The following BAIAP2 variants were observed in gnomAD, a reference collection of about 807,000 sequenced individuals.
BAIAP2 encodes BAR/IMD domain containing adaptor protein 2.
Under a neutral mutation model 63.0 loss-of-function variants are expected in BAIAP2, and 18 were observed. The observed-to-expected ratio is 0.29, with a 90% CI of 0.20 to 0.42. The LOEUF (loss-of-function observed/expected upper bound fraction) is 0.42, where lower values mean the gene tolerates loss of function less well. Among genes scored for constraint, BAIAP2 ranks in the 10% least tolerant of loss-of-function variants. The pLI, the probability that BAIAP2 is intolerant of heterozygous loss-of-function variation, is 1.00. For synonymous variants in BAIAP2, 386 were observed against 307.6 expected (o/e 1.25, Z -2.67); for missense variants, 610 against 734.3 (o/e 0.83, Z 1.96).
At chr17:81,105,736 G>T in intron 10 of BAIAP2, 1 of 248,748 alleles carries the variant, frequency 4.0e-6, no homozygotes, top group South Asian at 5.2e-5. Context: ...CTTTCTTCCA[G>T]TGGCCACTCC....
chr17:81,105,972 C>T (rs1271042169), intron 10 of BAIAP2, 106 bp from the exon 11 acceptor site: 12 of 955,736 alleles, frequency 1.3e-5, no homozygotes, highest in East Asian at 8.0e-5. Context: ...GAGACAGCCG[C>T]GCAGCCATGC....
At chr17:81,068,218 G>A (rs1420882540) in intron 3 of BAIAP2, among the ~76,000 whole-genome samples, 2 of 152,236 alleles carry the variant, frequency 1.3e-5, no homozygotes, top group South Asian at 2.1e-4. Flanking sequence ...GCATCTTGTA[G>A]GGTTTGGAGC....
chr17:81,085,422 T>G (rs745569199), intron 4 of BAIAP2: 1 of 669,058 alleles, frequency 1.5e-6, no homozygotes, highest in Non-Finnish European at 2.8e-6. Flanking sequence ...CTTGTGGCTG[T>G]TTGGAGGCGA....
intron 1 of BAIAP2, among the ~76,000 whole-genome samples, chr17:81,049,405 T>C (rs1256104346): frequency 6.6e-6 from 1 of 152,192 alleles, no homozygotes; most frequent in African/African-American, 2.4e-5. Context: ...GGGTGGCGCC[T>C]CTGAGGGCTT....
chr17:81,097,864 C>T (rs2057895996), intron 6 of BAIAP2, among the ~76,000 whole-genome samples: 1 of 152,160 alleles, frequency 6.6e-6, no homozygotes, highest in African/African-American at 2.4e-5. Flanking sequence ...CCTCCCTTGC[C>T]CTCACCAGCC....
At chr17:81,073,389 G>T (rs2053052303) in intron 3 of BAIAP2, among the ~76,000 whole-genome samples, 1 of 152,198 alleles carries the variant, frequency 6.6e-6, no homozygotes, top group African/African-American at 2.4e-5. Flanking sequence ...CCTGGGCTCA[G>T]CCAGGGCCGC....
rs1358370814 is a variant in BAIAP2, at chr17:81,103,889, C to G, written c.865-18C>G. The stretch of plus-strand genomic sequence containing the variant: ...GGGTGGGCTCCAGCAACAGCCTGCT[C>G]TGCCTGCTTCCCTGCAGCGGATGTC... On this transcript the variant is annotated intron_variant, in intron 8 of 13. Transcript: ENST00000428708. 6.2e-7 allele frequency: 1 copy of G among 1,612,398 alleles called. No individual in the cohort carries two copies. The highest frequency in any genetic ancestry group is 2.2e-5 in the East Asian group (1 of 44,880).
At chr17:81,060,954 TCTC>T (rs1462006269) in intron 3 of BAIAP2, among the ~76,000 whole-genome samples, 29 of 152,140 alleles carry the variant, frequency 1.9e-4, no homozygotes, top group African/African-American at 7.0e-4. Context: ...GAAACCCCCA[TCTC>T]TACTAAAATA....
chr17:81,045,359 G>T (rs773401297), intron 1 of BAIAP2, among the ~76,000 whole-genome samples: 1 of 152,200 alleles, frequency 6.6e-6, no homozygotes, highest in Non-Finnish European at 1.5e-5. Flanking sequence ...ACAGGCGGAG[G>T]GCAGAAGCGC....
At chr17:81,103,398 G>A in intron 7 of BAIAP2, 104 bp from the exon 8 acceptor site, 1 of 1,106,368 alleles carries the variant, frequency 9.0e-7, no homozygotes, top group Non-Finnish European at 1.3e-6. Flanking sequence ...GTGAAGAGCA[G>A]CCTCCAGCCC....
At chr17:81,081,793 C>G (rs1266319594) in intron 3 of BAIAP2, among the ~76,000 whole-genome samples, 1 of 152,182 alleles carries the variant, frequency 6.6e-6, no homozygotes, top group East Asian at 1.9e-4. Context: ...GAGAGGCCAC[C>G]GCAGTGGTGC....
chr17:81,068,565 G>A (rs1415421552), intron 3 of BAIAP2, among the ~76,000 whole-genome samples: 2 of 152,188 alleles, frequency 1.3e-5, no homozygotes, highest in Admixed American at 6.5e-5. Context: ...CAAAGCCCAC[G>A]ACCCAAGGAC....
At chr17:81,103,385 C>G in intron 7 of BAIAP2, 117 bp from the exon 8 acceptor site, 1 of 987,754 alleles carries the variant, frequency 1.0e-6, no homozygotes, top group Non-Finnish European at 1.5e-6. Context: ...GAGGTACCAC[C>G]TGGTGAAGAG....
Position 81,035,320 on chromosome 17 carries a change from C to G in BAIAP2, c.54+12C>G, listed in dbSNP as rs2046053097. The G allele has an allele frequency of 3.5e-6, 5 of 1,427,020 alleles. No homozygotes were observed. Among genetic ancestry groups the G allele is most frequent in the Non-Finnish European group, 3.7e-6 (4 of 1,076,386 alleles). The allele number at this position is 1,427,020 out of a possible 1,614,324, so 88.4% of individuals were successfully genotyped here. A position where few individuals can be genotyped will look rare whatever the true frequency, so the allele number is the denominator to read the frequency against. The stretch of plus-strand genomic sequence containing the variant: ...AAAATGTCTATAAGGTGAGCGCCCC[C>G]CGGCGCCGAGCTGAGCCCGCTCCGT... On this transcript the variant is annotated intron_variant, in intron 1 of 13. Transcript: ENST00000428708.
At chr17:81,090,881 G>GATT (rs1568149250) in intron 6 of BAIAP2, among the ~76,000 whole-genome samples, 7 of 152,308 alleles carry the variant, frequency 4.6e-5, no homozygotes, top group African/African-American at 1.7e-4. Context: ...TTGCAAACCC[G>GATT]GCCAGCGGGC....
At position 81,057,803 on chromosome 17, in the gene BAIAP2, C is replaced by T. The variant is rs932305264; in HGVS notation, c.131-78C>T. 12 of 1,537,144 alleles carry T rather than the reference C, an allele frequency of 7.8e-6. No individual in the cohort carries two copies. The East Asian group carries it at 2.6e-4, about 33-fold the overall frequency. ...GAGACAGGGTTGGGCCTGTGCGTGC[C>T]AAGACTGCCGTGTTTTTGCTGGGGG... On this transcript the variant is annotated intron_variant, in intron 2 of 13. Coordinates refer to ENST00000428708, the MANE Select transcript of BAIAP2 (RefSeq NM_001144888.2).
chr17:81,095,549 C>T (rs1214461335), intron 6 of BAIAP2, among the ~76,000 whole-genome samples: 2 of 152,198 alleles, frequency 1.3e-5, no homozygotes, highest in Non-Finnish European at 2.9e-5. Context: ...CATTCCTAGA[C>T]AGAGTGGCAG....
chr17:81,113,029 C>T (rs144806678), intron 13 of BAIAP2, among the ~76,000 whole-genome samples: 167 of 152,232 alleles, frequency 1.1e-3, no homozygotes, highest in African/African-American at 3.9e-3. Flanking sequence ...CATTCCAGCC[C>T]GGAAGACAGA....
At chr17:81,039,748 C>T (rs1230927916) in intron 1 of BAIAP2, among the ~76,000 whole-genome samples, 2 of 152,068 alleles carry the variant, frequency 1.3e-5, no homozygotes, top group East Asian at 1.9e-4. Context: ...AAGGTGGAGA[C>T]CTGAGGGCCA....
Sources: gnomAD v4.1 joint callset for allele counts (sites outside exome capture counted in the v4.1 genomes callset) on GRCh38, gnomAD v4.1.1 for gene constraint, MANE v1.5 for transcripts, NCBI Gene and HGNC (gene_info 2026-07-23, HGNC 2026-07-21) for gene names.